Variants in RMND5B observed in about 807,000 individuals in gnomAD.
The protein encoded by RMND5B is required for meiotic nuclear division 5 homolog B, also known as E3 ubiquitin-protein transferase RMND5B.
A neutral mutation model predicts 50.4 loss-of-function variants in RMND5B; 42 were observed. The observed-to-expected ratio is 0.83, with a 90% confidence interval of 0.65 to 1.08. RMND5B has a LOEUF of 1.08. Among genes scored for constraint, RMND5B ranks in the 50% least tolerant of loss-of-function variants. The pLI is 0.00. For missense variants in RMND5B, 463 were observed against 508.5 expected, an observed-to-expected ratio of 0.91 and a Z score of 0.86; for synonymous variants, 220 against 210.0, an observed-to-expected ratio of 1.05 and a Z score of -0.41.
At chr5:178,134,278 T>C (rs532185087) in intron 2 of RMND5B, among the ~76,000 whole-genome samples, 1 of 152,308 alleles carries the variant, frequency 6.6e-6, no homozygotes, top group East Asian at 1.9e-4. Flanking sequence ...AACTACAGCT[T>C]ACGTACTCTA....
At chr5:178,144,980 T>G (rs1000097282) in intron 7 of RMND5B, among the ~76,000 whole-genome samples, 5 of 152,230 alleles carry the variant, frequency 3.3e-5, no homozygotes, top group African/African-American at 1.2e-4. Context: ...TAACTTGTTT[T>G]TTTAGTTCCA....
intron 8 of RMND5B, chr5:178,147,282 C>G (rs1756063013): frequency 1.8e-6 from 1 of 543,124 alleles, no homozygotes; most frequent in Non-Finnish European, 3.3e-6. Flanking sequence ...GATATCTGCC[C>G]CTAGAGCTAT....
chr5:178,149,736 G>A lies in RMND5B; in HGVS notation c.*1704G>A. The A allele has an allele frequency of 6.2e-7, 1 of 1,614,032 alleles. No individual in the cohort carries two copies. Among genetic ancestry groups the A allele is most frequent in the Non-Finnish European group, 8.5e-7 (1 of 1,179,988 alleles). On this transcript the variant is annotated 3_prime_UTR_variant, in exon 11 of 11. Transcript: ENST00000313386. The stretch of plus-strand genomic sequence containing the variant: ...CCTCATAGGGGTAGGGGCAGGGACT[G>A]CACCTCCTCCAGGCACTCATCGTAA...
chr5:178,139,301 G>A (rs543632921), intron 3 of RMND5B, among the ~76,000 whole-genome samples: 1 of 151,730 alleles, frequency 6.6e-6, no homozygotes, highest in African/African-American at 2.4e-5. Context: ...CACCTCCCGG[G>A]TTCAAGCAAT....
chr5:178,141,200 A>C (rs1758918131), intron 3 of RMND5B: 1 of 152,078 alleles, frequency 6.6e-6, no homozygotes, highest in African/African-American at 2.4e-5. Flanking sequence ...TTACCATTAA[A>C]CTCACTCTTT....
chr5:178,143,281 C>T (rs1287307265), intron 5 of RMND5B, among the ~76,000 whole-genome samples: 9 of 117,316 alleles, frequency 7.7e-5, no homozygotes, highest in Admixed American at 6.8e-4. Context: ...GTGTTAAAGA[C>T]ACACTGGTGG....
intron 6 of RMND5B, 51 bp downstream of exon 6, chr5:178,143,778 G>A (rs1269623663): frequency 1.3e-6 from 2 of 1,492,972 alleles, no homozygotes; most frequent in South Asian, 1.1e-5. Flanking sequence ...ACCTCTCAGG[G>A]CACAGGGCTT....
chr5:178,135,585 CTT>C (rs1758580002), intron 2 of RMND5B, among the ~76,000 whole-genome samples: 1 of 152,216 alleles, frequency 6.6e-6, no homozygotes, highest in Non-Finnish European at 1.5e-5. Context: ...CCACATTTTA[CTT>C]ACTTGATTCC....
rs1326481274 is a variant in RMND5B, at chr5:178,142,567, T to C, written c.140-16T>C. On this transcript the variant is annotated splice_polypyrimidine_tract_variant and intron_variant, in intron 3 of 10. Transcript: ENST00000313386. ...CAGTCTGCCTCCTCTGTGTCCTTAT[T>C]CCACTTTCTCTGCAGCCCTCCAGGG... 1 of 1,600,488 alleles carries C rather than the reference T, an allele frequency of 6.2e-7. No homozygotes were observed. The highest frequency in any genetic ancestry group is 8.5e-7 in the Non-Finnish European group (1 of 1,172,724).
chr5:178,149,965 T>A lies in RMND5B; in HGVS notation c.*1933T>A. ...TGTTCTGTTCGGTCCATGTTCTATT[T>A]AAAAGCATCTTGAATTGGTTGCCAT... On this transcript the variant is annotated 3_prime_UTR_variant, in exon 11 of 11. Transcript: ENST00000313386. 9.7e-7 allele frequency: 1 copy of A among 1,026,622 alleles called. No homozygotes were observed. Among genetic ancestry groups the A allele is most frequent in the Non-Finnish European group, 1.4e-6 (1 of 696,542 alleles). The allele number at this position is 1,026,622 out of a possible 1,614,324, so 63.6% of individuals were successfully genotyped here. A position where few individuals can be genotyped will look rare whatever the true frequency, so the allele number is the denominator to read the frequency against.
At chr5:178,144,231 C>A in intron 7 of RMND5B, 123 bp downstream of exon 7, 1 of 1,060,856 alleles carries the variant, frequency 9.4e-7, no homozygotes. Context: ...ATGCCTCTCC[C>A]CAACTAGAAA....
At chr5:178,146,459 G>T (rs543042778) in intron 8 of RMND5B, 180 bp downstream of exon 8, 33 of 623,034 alleles carry the variant, frequency 5.3e-5, no homozygotes, top group Non-Finnish European at 8.8e-5. Context: ...AGACTAGGAA[G>T]AGTTATGGCC....
At position 178,146,233 on chromosome 5, in the gene RMND5B, G is replaced by A. The variant is rs752056315; in HGVS notation, c.814G>A (p.Ala272Thr). 22 of 1,614,206 alleles carry A rather than the reference G, an allele frequency of 1.4e-5. No individual in the cohort carries two copies. The highest frequency in any genetic ancestry group is 1.7e-5 in the Non-Finnish European group (20 of 1,180,018). ...AEICETFTRD[A>T]CSLLGLSVES... ...GATCTGTGAGACCTTTACCCGGGAC[G>A]CCTGTTCCCTGCTGGGGCTTTCTGT... The change falls in exon 8 of 11, where the codon GCC becomes ACC. Residue 272 changes from alanine (A) to threonine (T), a missense_variant. Physicochemically the swap from Ala to Thr is moderately conservative, Grantham distance 58. Transcript: ENST00000313386.
intron 7 of RMND5B, among the ~76,000 whole-genome samples, chr5:178,145,240 A>C (rs569851500): frequency 6.6e-6 from 1 of 151,996 alleles, no homozygotes; most frequent in African/African-American, 2.4e-5. Flanking sequence ...TAATCCCAGC[A>C]CTTTGGGAGG....
intron 7 of RMND5B, among the ~76,000 whole-genome samples, chr5:178,144,736 CTT>C (rs1755894240): frequency 9.3e-6 from 1 of 106,988 alleles, no homozygotes; most frequent in African/African-American, 3.8e-5. Flanking sequence ...AAAAAAAAGA[CTT>C]GTCTGGGTGC....
chr5:178,148,076 G>A lies in RMND5B; in HGVS notation c.*44G>A. 6.3e-7 allele frequency: 1 copy of A among 1,591,148 alleles called. No homozygotes were observed. The highest frequency in any genetic ancestry group is 1.1e-5 in the South Asian group (1 of 90,642). On this transcript the variant is annotated 3_prime_UTR_variant, in exon 11 of 11. Coordinates refer to ENST00000313386, the MANE Select transcript of RMND5B (RefSeq NM_022762.5). ...TTTGTTGAAAGGGGTTTTCACCTGT[G>A]AGCCTTGGTCTGTCTCGGTAGGGTG...
At chr5:178,144,171 T>G (rs1313374901) in intron 7 of RMND5B, 63 bp downstream of exon 7, 3 of 1,552,692 alleles carry the variant, frequency 1.9e-6, no homozygotes, top group Admixed American at 3.6e-5. Context: ...TGTGGTAGGT[T>G]ACATCAGGCT....
At position 178,135,485 on chromosome 5, in the gene RMND5B, C is replaced by A. The variant is rs536984361; in HGVS notation, c.-12-2623C>A. Among the ~76,000 whole-genome samples the A allele has an allele frequency of 5.9e-4, 90 of 152,306 alleles. 1 individual carries two copies. The South Asian group carries it at 0.017, about 28-fold the overall frequency. ...GCCTAGACCTCATTTTTTTCCACCTCAGTGCCATGTGTGGAGCTTGTCGAT... is the reference window on the plus strand; with the variant it reads ...GCCTAGACCTCATTTTTTTCCACCTAAGTGCCATGTGTGGAGCTTGTCGAT... On this transcript the variant is annotated intron_variant, in intron 2 of 10. Coordinates refer to ENST00000313386, the MANE Select transcript of RMND5B (RefSeq NM_022762.5).
At chr5:178,142,549 C>A in intron 3 of RMND5B, 34 bp from the exon 4 acceptor site, 1 of 1,581,814 alleles carries the variant, frequency 6.3e-7, no homozygotes. Context: ...CCCCAGTCTG[C>A]CTCCTCTGTG....
Sources: allele counts gnomAD v4.1 joint callset (sites outside exome capture counted in the v4.1 genomes callset), GRCh38; gene constraint gnomAD v4.1.1; transcripts MANE v1.5; gene names NCBI Gene and HGNC (gene_info 2026-07-23, HGNC 2026-07-21).